Variants in TMEM200A observed in about 807,000 individuals in gnomAD.
TMEM200A encodes the protein transmembrane protein 200A.
In TMEM200A, 12 loss-of-function variants were observed where a neutral mutation model predicts 24.3. That is an observed-to-expected ratio of 0.49 (90% CI 0.32 to 0.80). The LOEUF (loss-of-function observed/expected upper bound fraction) is 0.80. Ranked by LOEUF, TMEM200A falls within the 30% of genes least tolerant of loss-of-function variation. The pLI, the probability that TMEM200A is intolerant of heterozygous loss-of-function variation, is 0.04. For synonymous variants in TMEM200A, 224 were observed against 224.4 expected (o/e 1.00, Z 0.02); for missense variants, 545 against 614.4 (o/e 0.89, Z 1.19).
chr6:130,369,669 T>C (rs1379026338), intron 1 of TMEM200A, among the ~76,000 whole-genome samples: 1 of 152,128 alleles, frequency 6.6e-6, no homozygotes, highest in Non-Finnish European at 1.5e-5. Context: ...AAAAAGGAAA[T>C]CCATGCATTT....
At chr6:130,377,230 G>A (rs1190106271) in intron 1 of TMEM200A, among the ~76,000 whole-genome samples, 1 of 152,188 alleles carries the variant, frequency 6.6e-6, no homozygotes, top group Non-Finnish European at 1.5e-5. Flanking sequence ...GCAGTAATGA[G>A]GAGTGAAATT....
At chr6:130,380,339 A>C (rs1778564934) in intron 1 of TMEM200A, among the ~76,000 whole-genome samples, 1 of 152,188 alleles carries the variant, frequency 6.6e-6, no homozygotes, top group South Asian at 2.1e-4. Context: ...AACTTTTTTA[A>C]AGCATCTGCA....
At chr6:130,372,727 A>G (rs58838443) in intron 1 of TMEM200A, among the ~76,000 whole-genome samples, 2,004 of 152,312 alleles carry the variant, frequency 0.013, 39 homozygotes, top group African/African-American at 0.046. Context: ...CCAAATTTGT[A>G]TCTGCTTAGG....
Position 130,440,558 on chromosome 6 carries a change from G to A in TMEM200A, c.136G>A (p.Ala46Thr). 3.1e-6 allele frequency: 5 copies of A among 1,614,108 alleles called. No individual in the cohort carries two copies. Among genetic ancestry groups the A allele is most frequent in the South Asian group, 1.1e-5 (1 of 91,076 alleles). ...EKKPIRRRPR[A>T]DVVVVRGKIR... The stretch of plus-strand genomic sequence containing the variant: ...GAAGCCCATCAGGCGCCGGCCCCGG[G>A]CAGATGTTGTGGTTGTTCGTGGCAA... Residue 46 changes from alanine (A) to threonine (T), a missense_variant, in exon 3 of 3, where the codon GCA becomes ACA. Ala to Thr is a moderately conservative substitution (Grantham distance 58). Transcript: ENST00000296978.
At chr6:130,407,110 A>G (rs2115148837) in intron 2 of TMEM200A, among the ~76,000 whole-genome samples, 1 of 152,232 alleles carries the variant, frequency 6.6e-6, no homozygotes, top group South Asian at 2.1e-4. Context: ...AGGCGCTTGG[A>G]ATTATAATTG....
chr6:130,428,474 C>G (rs1454682478), intron 2 of TMEM200A, among the ~76,000 whole-genome samples: 1 of 152,030 alleles, frequency 6.6e-6, no homozygotes, highest in African/African-American at 2.4e-5. Context: ...CTTCATTTCA[C>G]TTTCTCTGTT....
At chr6:130,416,048 G>A (rs574708503) in intron 2 of TMEM200A, among the ~76,000 whole-genome samples, 12 of 151,962 alleles carry the variant, frequency 7.9e-5, no homozygotes, top group Admixed American at 2.0e-4. Flanking sequence ...GCAGTTGGAC[G>A]CAGGCTTTTT....
intron 2 of TMEM200A, among the ~76,000 whole-genome samples, chr6:130,405,082 G>A (rs1374109256): frequency 6.6e-6 from 1 of 152,070 alleles, no homozygotes; most frequent in Non-Finnish European, 1.5e-5. Flanking sequence ...AAGTCAGGTA[G>A]GGTAGCATGA....
chr6:130,370,967 A>G lies in TMEM200A; in HGVS notation c.-81+4443A>G, dbSNP rs563452876. The stretch of plus-strand genomic sequence containing the variant: ...GGGTTGTTGGAAATGCACAGAGGGG[A>G]GTGGCAGGCACAGATTAGGATTTTC... On this transcript the variant is annotated intron_variant, in intron 1 of 2. Transcript: ENST00000296978. 5.9e-5 allele frequency among the ~76,000 whole-genome samples: 9 copies of G among 152,316 alleles called. No individual in the cohort carries two copies. The East Asian group carries it at 1.5e-3, about 26-fold the overall frequency.
chr6:130,400,213 T>C (rs1252649850), intron 2 of TMEM200A, among the ~76,000 whole-genome samples: 1 of 152,090 alleles, frequency 6.6e-6, no homozygotes, highest in Non-Finnish European at 1.5e-5. Context: ...TAAACATGCA[T>C]GTGCAAGTAT....
intron 1 of TMEM200A, among the ~76,000 whole-genome samples, chr6:130,368,393 T>TA (rs1472882812): frequency 6.6e-6 from 1 of 152,074 alleles, no homozygotes; most frequent in African/African-American, 2.4e-5. Flanking sequence ...TAGTAGAGGA[T>TA]AAAAAATAAG....
rs931978672 is a variant in TMEM200A, at chr6:130,383,093, T to C, written c.-80-2080T>C. 4.1e-6 allele frequency: 4 copies of C among 984,334 alleles called. No individual in the cohort carries two copies. The African/African-American group carries it at 7.0e-5, about 17-fold the overall frequency. The allele number at this position is 984,334 out of a possible 1,614,324, so 61.0% of individuals were successfully genotyped here. On this transcript the variant is annotated intron_variant, in intron 1 of 2. Coordinates refer to ENST00000296978, the MANE Select transcript of TMEM200A (RefSeq NM_001258277.2). ...CCTACATCTATTTGCTCAGGCATTA[T>C]TAAATTTGTCACATTCAATTGAATT...
chr6:130,367,866 A>G (rs551365755), intron 1 of TMEM200A, among the ~76,000 whole-genome samples: 25 of 152,164 alleles, frequency 1.6e-4, no homozygotes, highest in African/African-American at 6.0e-4. Flanking sequence ...TAATTATGAG[A>G]TAATGTAACT....
chr6:130,395,827 T>C (rs1778939827), intron 2 of TMEM200A, among the ~76,000 whole-genome samples: 1 of 152,206 alleles, frequency 6.6e-6, no homozygotes, highest in Non-Finnish European at 1.5e-5. Flanking sequence ...TTAACAGCAG[T>C]TTAAAATACT....
At chr6:130,394,584 T>G (rs1475832907) in intron 2 of TMEM200A, among the ~76,000 whole-genome samples, 1 of 152,248 alleles carries the variant, frequency 6.6e-6, no homozygotes, top group Non-Finnish European at 1.5e-5. Context: ...GGACATTTTT[T>G]GGCAAAGATT....
intron 1 of TMEM200A, among the ~76,000 whole-genome samples, chr6:130,379,998 A>G (rs936002737): frequency 2.6e-5 from 4 of 152,178 alleles, no homozygotes; most frequent in African/African-American, 9.7e-5. Flanking sequence ...GATATTAGCA[A>G]TAAAGCTTTG....
At chr6:130,439,575 T>C (rs1291949622) in intron 2 of TMEM200A, 1 of 152,162 alleles carries the variant, frequency 6.6e-6, no homozygotes, top group African/African-American at 2.4e-5. Context: ...ACCTGAAATA[T>C]AGACTTGGGA....
rs1158219089 is a variant in TMEM200A at position 130,436,630 on chromosome 6, CCTTTTTTTTTTTTTT to C, written c.-16-3776_-16-3762del. Among the ~76,000 whole-genome samples the C allele has an allele frequency of 3.1e-4, 21 of 66,780 alleles. 1 individual carries two copies. The highest frequency in any genetic ancestry group is 2.9e-3 in the Admixed American group (15 of 5,104). The allele number at this position is 66,780 out of a possible 152,430, so 43.8% of individuals were successfully genotyped here. ...TTCACTAGGCTTCGTTTTTCTTTAT[CCTTTTTTTTTTTTTT>C]TTTTTTTTTTTTTTTTTCAGAGAGA... On this transcript the variant is annotated intron_variant, in intron 2 of 2. Coordinates refer to ENST00000296978, the MANE Select transcript of TMEM200A (RefSeq NM_001258277.2).
At chr6:130,380,884 G>A (rs1778579998) in intron 1 of TMEM200A, among the ~76,000 whole-genome samples, 1 of 152,152 alleles carries the variant, frequency 6.6e-6, no homozygotes, top group Non-Finnish European at 1.5e-5. Context: ...CACTTTGGGA[G>A]GCTGAGGCAG....
Sources: allele counts gnomAD v4.1 joint callset (sites outside exome capture counted in the v4.1 genomes callset), GRCh38; gene constraint gnomAD v4.1.1; transcripts MANE v1.5; gene names NCBI Gene and HGNC (gene_info 2026-07-23, HGNC 2026-07-21).